Variants in MBNL1 observed in about 807,000 individuals in gnomAD.
MBNL1 encodes the protein muscleblind-like protein 1.
MBNL1 carries 8 observed loss-of-function variants against 42.2 expected under a neutral mutation model. That is an observed-to-expected ratio of 0.19 (90% confidence interval 0.11 to 0.34). The LOEUF (loss-of-function observed/expected upper bound fraction) is 0.34, where lower values mean the gene tolerates loss of function less well. Among genes scored for constraint, MBNL1 ranks in the 10% least tolerant of loss-of-function variants. MBNL1 has a pLI of 1.00. For synonymous variants in MBNL1, 169 were observed against 173.9 expected (o/e 0.97, Z 0.22); for missense variants, 309 against 495.3 (o/e 0.62, Z 3.57).
chr3:152,429,920 T>A (rs1392906848), intron 3 of MBNL1, among the ~76,000 whole-genome samples: 2 of 152,166 alleles, frequency 1.3e-5, no homozygotes, highest in African/African-American at 4.8e-5. Context: ...GAGGGAACAA[T>A]TTGAGATAGT....
At chr3:152,448,270 C>T (rs1033373095) in intron 6 of MBNL1, among the ~76,000 whole-genome samples, 2 of 152,128 alleles carry the variant, frequency 1.3e-5, no homozygotes, top group Non-Finnish European at 2.9e-5. Flanking sequence ...TCAATCAGTA[C>T]ACTGTTTAAA....
At chr3:152,262,244 T>C (rs2036418712) in intron 2 of MBNL1, among the ~76,000 whole-genome samples, 1 of 152,202 alleles carries the variant, frequency 6.6e-6, no homozygotes, top group South Asian at 2.1e-4. Context: ...TTCCCACTCT[T>C]TTGGACAAGG....
chr3:152,315,866 ACTCTCTCTCTCT>A (rs113762203), intron 2 of MBNL1, among the ~76,000 whole-genome samples: 1 of 149,092 alleles, frequency 6.7e-6, no homozygotes, highest in Admixed American at 6.7e-5. Flanking sequence ...ACACACACAC[ACTCTCTCTCTCT>A]CTCTCTCTCA....
In MBNL1 at chr3:152,448,395, C is replaced by A. The variant is rs139462525; in HGVS notation, c.961+622C>A. Among the ~76,000 whole-genome samples, 546 of 152,244 alleles carry A rather than the reference C, an allele frequency of 3.6e-3. 3 individuals are homozygous for A. The highest frequency in any genetic ancestry group is 0.013 in the African/African-American group (527 of 41,558). ...CTTATTTTCAATTTGGTAATGTATA[C>A]ATAATCTAGAATTATTCACACAGAT... On this transcript the variant is annotated intron_variant, in intron 6 of 9. Transcript: ENST00000324210.
At chr3:152,427,383 G>T (rs1196773379) in intron 3 of MBNL1, among the ~76,000 whole-genome samples, 1 of 152,018 alleles carries the variant, frequency 6.6e-6, no homozygotes, top group Non-Finnish European at 1.5e-5. Flanking sequence ...TATTTTATTC[G>T]TCATTTGCTA....
chr3:152,420,655 T>C (rs988802147), intron 3 of MBNL1, among the ~76,000 whole-genome samples: 1 of 152,186 alleles, frequency 6.6e-6, no homozygotes, highest in African/African-American at 2.4e-5. Flanking sequence ...TCCACGAAGA[T>C]GAGGAAAAAC....
chr3:152,459,980 G>A (rs1017636890), intron 9 of MBNL1, among the ~76,000 whole-genome samples: 4 of 151,536 alleles, frequency 2.6e-5, no homozygotes, highest in South Asian at 4.2e-4. Flanking sequence ...TTGGCTAAGC[G>A]TGGTGGCTCA....
intron 2 of MBNL1, among the ~76,000 whole-genome samples, chr3:152,335,882 G>A (rs778904409): frequency 4.6e-5 from 7 of 152,098 alleles, no homozygotes; most frequent in Non-Finnish European, 7.4e-5. Context: ...AAGTCATGGG[G>A]GAACAGACTT....
At chr3:152,252,879 C>G (rs2149422526) in intron 2 of MBNL1, among the ~76,000 whole-genome samples, 1 of 152,226 alleles carries the variant, frequency 6.6e-6, no homozygotes, top group South Asian at 2.1e-4. Context: ...GCCCCCAGTA[C>G]TTCCCTATAT....
intron 1 of MBNL1, among the ~76,000 whole-genome samples, chr3:152,277,681 T>TATATTTA (rs2046072702): frequency 6.6e-6 from 1 of 152,142 alleles, no homozygotes; most frequent in Non-Finnish European, 1.5e-5. Context: ...TCTTTTTAGT[T>TATATTTA]TGAGGACCTT....
intron 2 of MBNL1, among the ~76,000 whole-genome samples, chr3:152,344,938 A>G (rs745618548): frequency 2.6e-5 from 4 of 152,106 alleles, no homozygotes; most frequent in Admixed American, 6.6e-5. Flanking sequence ...ACTGTAAAAG[A>G]GTCATACTAG....
chr3:152,307,691 A>AG (rs1440512347), intron 2 of MBNL1, among the ~76,000 whole-genome samples: 1 of 152,250 alleles, frequency 6.6e-6, no homozygotes, highest in Non-Finnish European at 1.5e-5. Flanking sequence ...CTGATTTCAC[A>AG]GCCTGTACTC....
chr3:152,256,854 G>A (rs1325221283), intron 2 of MBNL1, among the ~76,000 whole-genome samples: 6 of 151,858 alleles, frequency 4.0e-5, no homozygotes, highest in South Asian at 2.1e-4. Flanking sequence ...GTTAAAAGCC[G>A]CCCATAAAAA....
intron 1 of MBNL1, among the ~76,000 whole-genome samples, chr3:152,298,369 G>C (rs929446391): frequency 2.0e-5 from 3 of 152,192 alleles, no homozygotes; most frequent in Admixed American, 2.0e-4. Flanking sequence ...TAGTCTTGTG[G>C]TGCTGAGTTA....
chr3:152,346,938 G>C (rs2094356108), intron 2 of MBNL1, among the ~76,000 whole-genome samples: 1 of 151,480 alleles, frequency 6.6e-6, no homozygotes, highest in African/African-American at 2.4e-5. Flanking sequence ...CAGCACTTTG[G>C]GAGGCTGCAG....
chr3:152,308,861 C>T (rs1237398733), intron 2 of MBNL1, among the ~76,000 whole-genome samples: 1 of 151,190 alleles, frequency 6.6e-6, no homozygotes, highest in Non-Finnish European at 1.5e-5. Context: ...GGTCAAGAGA[C>T]CGGTTGTAAA....
intron 2 of MBNL1, among the ~76,000 whole-genome samples, chr3:152,262,092 T>G (rs1305923325): frequency 1.3e-5 from 2 of 152,192 alleles, no homozygotes; most frequent in Non-Finnish European, 1.5e-5. Context: ...ACTTAATAAC[T>G]TCTTTATCCC....
chr3:152,338,336 G>T, intron 2 of MBNL1: 1 of 985,330 alleles, frequency 1.0e-6, no homozygotes, highest in Non-Finnish European at 1.2e-6. Flanking sequence ...CCTTAGCCCT[G>T]TCCATTGACA....
chr3:152,459,312 T>C lies in MBNL1; in HGVS notation c.1134T>C (p.Tyr378=). Residue 378 remains tyrosine (Y), a synonymous_variant, in exon 9 of 10, where the codon TAT becomes TAC. Transcript: ENST00000324210. ...CCGAACATCTGACTAGCCACAAGTA[T>C]GTTACCCAGATGTAGAATTTTCATC... ...ISAEHLTSHK[Y]VTQM is the part of the protein sequence containing the mutation. 1 of 1,580,796 alleles carries C rather than the reference T, an allele frequency of 6.3e-7. No homozygotes were observed. The highest frequency in any genetic ancestry group is 8.6e-7 in the Non-Finnish European group (1 of 1,163,236).
Sources: gnomAD v4.1 joint callset for allele counts (sites outside exome capture counted in the v4.1 genomes callset) on GRCh38, gnomAD v4.1.1 for gene constraint, MANE v1.5 for transcripts, NCBI Gene and HGNC (gene_info 2026-07-23, HGNC 2026-07-21) for gene names.